Variants in C10orf90 observed in about 807,000 individuals in gnomAD.
The protein encoded by C10orf90 is (E2-independent) E3 ubiquitin-conjugating enzyme FATS.
C10orf90 carries 56 observed loss-of-function variants against 62.5 expected under a neutral mutation model. That is an observed-to-expected ratio of 0.90 (90% confidence interval 0.72 to 1.12). The LOEUF is 1.12. Among genes scored for constraint, C10orf90 ranks in the 50% most tolerant of loss-of-function variants. C10orf90 has a pLI of 0.00. For synonymous variants in C10orf90, 386 were observed against 340.4 expected, an observed-to-expected ratio of 1.13 and a Z score of -1.47; for missense variants, 970 against 880.4, an observed-to-expected ratio of 1.10 and a Z score of -1.29.
intron 4 of C10orf90, among the ~76,000 whole-genome samples, chr10:126,481,949 C>T (rs995863520): frequency 6.6e-6 from 1 of 152,148 alleles, no homozygotes; most frequent in African/African-American, 2.4e-5. Flanking sequence ...GGGTTCTTAC[C>T]CCATACCTAG....
chr10:126,561,112 G>A (rs1440812363), intron 2 of C10orf90, among the ~76,000 whole-genome samples: 1 of 152,174 alleles, frequency 6.6e-6, no homozygotes, highest in Non-Finnish European at 1.5e-5. Flanking sequence ...TGCTCGCAAA[G>A]AGGTGGTCAG....
At chr10:126,564,672 TG>T (rs1396721667) in intron 2 of C10orf90, among the ~76,000 whole-genome samples, 1 of 147,062 alleles carries the variant, frequency 6.8e-6, no homozygotes, top group Non-Finnish European at 1.5e-5. Context: ...GACACACGAC[TG>T]GCTTTGGGCT....
chr10:126,649,051 T>C (rs1391539511), intron 1 of C10orf90, among the ~76,000 whole-genome samples: 1 of 51,404 alleles, frequency 1.9e-5, no homozygotes, highest in African/African-American at 8.1e-5. Flanking sequence ...TCTCTCTCTC[T>C]CTCTCTCTCT....
intron 2 of C10orf90, among the ~76,000 whole-genome samples, chr10:126,576,661 ATACATATAT>A (rs1844618261): frequency 1.5e-5 from 1 of 67,336 alleles, no homozygotes; most frequent in Non-Finnish European, 2.9e-5. Flanking sequence ...CAAGATATGT[ATACATATAT>A]ATGTATACAT....
At chr10:126,601,772 G>A (rs1037350420) in intron 2 of C10orf90, among the ~76,000 whole-genome samples, 5 of 152,248 alleles carry the variant, frequency 3.3e-5, no homozygotes, top group African/African-American at 4.8e-5. Flanking sequence ...GAATAGCGGG[G>A]ACCCCGCCAA....
chr10:126,565,131 A>AT lies in C10orf90; in HGVS notation c.314-51193dup, dbSNP rs1219424596. Among the ~76,000 whole-genome samples the AT allele has an allele frequency of 3.7e-3, 203 of 54,238 alleles. 46 individuals carry two copies. Among genetic ancestry groups the AT allele is most frequent in the Non-Finnish European group, 4.2e-3 (130 of 30,664 alleles). The allele number at this position is 54,238 out of a possible 152,430, so 35.6% of individuals were successfully genotyped here. On this transcript the variant is annotated intron_variant, in intron 2 of 9. Coordinates refer to ENST00000488181, the MANE Select transcript of C10orf90 (RefSeq NM_001350921.2). ...AAATATATATTATATAATATATAAT[A>AT]TAAATATAATATTAAATATGTAATA...
At chr10:126,536,634 G>A (rs921079760) in intron 2 of C10orf90, among the ~76,000 whole-genome samples, 9 of 152,152 alleles carry the variant, frequency 5.9e-5, no homozygotes, top group African/African-American at 2.2e-4. Context: ...TTTAGCTTTG[G>A]TGCTCTCCAC....
At chr10:126,494,939 C>T (rs898591037) in intron 4 of C10orf90, among the ~76,000 whole-genome samples, 1 of 152,210 alleles carries the variant, frequency 6.6e-6, no homozygotes, top group East Asian at 1.9e-4. Flanking sequence ...GAAGAATCTC[C>T]CCATTACCCA....
intron 2 of C10orf90, among the ~76,000 whole-genome samples, chr10:126,538,419 CA>C (rs1273744905): frequency 2.0e-5 from 3 of 152,200 alleles, no homozygotes; most frequent in African/African-American, 7.2e-5. Context: ...AGGAGAGAGA[CA>C]TGGAACAGAT....
chr10:126,512,722 T>C (rs1863203435), intron 3 of C10orf90, among the ~76,000 whole-genome samples: 1 of 152,120 alleles, frequency 6.6e-6, no homozygotes. Context: ...TCCCCAAACC[T>C]AGGGCTCTGA....
intron 2 of C10orf90, among the ~76,000 whole-genome samples, chr10:126,538,229 C>CT (rs1328202356): frequency 6.6e-6 from 1 of 152,126 alleles, no homozygotes; most frequent in Non-Finnish European, 1.5e-5. Flanking sequence ...TCTTATGAGA[C>CT]TTACTAACTG....
intron 4 of C10orf90, among the ~76,000 whole-genome samples, chr10:126,476,974 A>G (rs1390542387): frequency 7.4e-6 from 1 of 134,584 alleles, no homozygotes; most frequent in Non-Finnish European, 1.5e-5. Context: ...CAGTGGCATG[A>G]TCTCGGCTCA....
chr10:126,559,685 C>T (rs1331754801), intron 2 of C10orf90, among the ~76,000 whole-genome samples: 1 of 152,136 alleles, frequency 6.6e-6, no homozygotes, highest in Non-Finnish European at 1.5e-5. Flanking sequence ...TTATCTCTGC[C>T]ATCTCTAAGC....
chr10:126,659,647 C>A (rs1846468531), intron 1 of C10orf90, among the ~76,000 whole-genome samples: 1 of 152,118 alleles, frequency 6.6e-6, no homozygotes, highest in Non-Finnish European at 1.5e-5. Context: ...TTAAATAATT[C>A]TGCTTTTTGG....
At chr10:126,471,488 C>T (rs1590965027) in intron 4 of C10orf90, among the ~76,000 whole-genome samples, 2 of 152,284 alleles carry the variant, frequency 1.3e-5, no homozygotes, top group African/African-American at 4.8e-5. Flanking sequence ...GTGAGAAAAG[C>T]CTTCCTTCTT....
chr10:126,597,127 T>C (rs1845102973), intron 2 of C10orf90, among the ~76,000 whole-genome samples: 1 of 152,236 alleles, frequency 6.6e-6, no homozygotes. Flanking sequence ...ACAGTTCACT[T>C]TGGAATACTG....
In C10orf90 at chr10:126,670,371, A is replaced by G; in HGVS notation, c.110T>C (p.Leu37Ser). 2.2e-6 allele frequency: 1 copy of G among 456,722 alleles called. No individual in the cohort carries two copies. The highest frequency in any genetic ancestry group is 4.4e-6 in the Non-Finnish European group (1 of 226,966). 28.3% of individuals were successfully genotyped at this position (456,722 alleles called of 1,614,324 possible). ...ATCCATGACCATCACATGGTTTTTC[A>G]ACTCTGTACTAAATGTTTTTATCTG... Reference protein sequence around the residue: ...TFQIKTFSTELKNHVMVMDFV... With the variant: ...TFQIKTFSTESKNHVMVMDFV... The change falls in exon 1 of 10, where the codon TTG becomes TCG. Residue 37 changes from leucine to serine, a missense_variant. Transcript: ENST00000488181.
At position 126,617,703 on chromosome 10, in the gene C10orf90, A is replaced by G. The variant is rs185206242; in HGVS notation, c.313+28862T>C. 1.4e-4 allele frequency among the ~76,000 whole-genome samples: 22 copies of G among 152,232 alleles called. 1 individual carries two copies. The highest frequency in any genetic ancestry group is 1.4e-3 in the Admixed American group (22 of 15,288). The stretch of plus-strand genomic sequence containing the variant: ...GCAAGGAGCTCTGAAACGAAAGCCC[A>G]TGTCCTTGTCTGTGTCCTGGTCTCC... On this transcript the variant is annotated intron_variant, in intron 2 of 9. Coordinates refer to ENST00000488181, the MANE Select transcript of C10orf90 (RefSeq NM_001350921.2).
chr10:126,470,305 G>A (rs1055126131), intron 4 of C10orf90: 1 of 307,166 alleles, frequency 3.3e-6, no homozygotes, highest in Non-Finnish European at 6.5e-6. Context: ...TACTCCAATC[G>A]CACAGCTTTT....
Sources: gnomAD v4.1 joint callset for allele counts (sites outside exome capture counted in the v4.1 genomes callset) on GRCh38, gnomAD v4.1.1 for gene constraint, MANE v1.5 for transcripts, NCBI Gene and HGNC (gene_info 2026-07-23, HGNC 2026-07-21) for gene names.